The following MPC1L variants were observed in gnomAD, a reference collection of about 807,000 sequenced individuals.
MPC1L encodes the protein mitochondrial pyruvate carrier 1-like protein.
For synonymous variants in MPC1L, 62 were observed against 57.7 expected (o/e 1.08, Z -0.34); for missense variants, 116 against 129.5 (o/e 0.90, Z 0.50).
rs2146555260 is a variant in MPC1L at position 40,623,512 on chromosome X, T to C, written c.-54T>C. 2.0e-6 allele frequency: 2 copies of C among 1,009,808 alleles called. No individual in the cohort carries two copies. Among genetic ancestry groups the C allele is most frequent in the Non-Finnish European group, 2.5e-6 (2 of 786,589 alleles). 83.2% of individuals were successfully genotyped at this position (1,009,808 alleles called of 1,213,427 possible). A position where few individuals can be genotyped will look rare whatever the true frequency, so the allele number is the denominator to read the frequency against. On this transcript the variant is annotated 5_prime_UTR_variant, in exon 1 of 1. Transcript: ENST00000423387. ...GCTGCGGGTACTCGGCTTTGCGCTC[T>C]ATTTCGTTGTGGTCTGGCTGTTGAT...
rs1183985494 is a variant in MPC1L at position 40,623,785 on chromosome X, C to T, written c.220C>T (p.Arg74Cys). 2.6e-6 allele frequency: 3 copies of T among 1,153,891 alleles called. No homozygotes were observed. The highest frequency in any genetic ancestry group is 1.8e-5 in the African/African-American group (1 of 56,044). Residue 74 changes from arginine (R) to cysteine (C), a missense_variant, in exon 1 of 1, where the codon CGC (arginine) becomes TGC (cysteine). By Grantham distance (180) the Arg-to-Cys change is radical. Transcript: ENST00000423387. ...YSAIFMRFAY[R>C]VQPRNLLLMA... ...GGCGATCTTCATGCGCTTCGCCTAC[C>T]GCGTACAGCCTCGAAACCTGCTGCT...
rs769243276 is a variant in MPC1L at position 40,624,123 on chromosome X, A to C, written c.*147A>C. 3.2e-5 allele frequency: 18 copies of C among 554,878 alleles called. No individual in the cohort carries two copies. The highest frequency in any genetic ancestry group is 4.1e-5 in the Non-Finnish European group (16 of 386,188). The allele number at this position is 554,878 out of a possible 1,213,427, so 45.7% of individuals were successfully genotyped here. ...TGCAGTTTGATTAATAAAGAAATACAAAGTAACATTGAACCGAAGTTGAGT... is the reference window on the plus strand; with the variant it reads ...TGCAGTTTGATTAATAAAGAAATACCAAGTAACATTGAACCGAAGTTGAGT... On this transcript the variant is annotated 3_prime_UTR_variant, in exon 1 of 1. Transcript: ENST00000423387.
In MPC1L at chrX:40,623,813, T is replaced by A; in HGVS notation, c.248T>A (p.Met83Lys). The change falls in exon 1 of 1, where the codon ATG (methionine) becomes AAG (lysine). Residue 83 changes from methionine to lysine, a missense_variant. Coordinates refer to ENST00000423387, the MANE Select transcript of MPC1L (RefSeq NM_001195522.3). ...YRVQPRNLLL[M>K]ACHCTNVMAQ... ...GTACAGCCTCGAAACCTGCTGCTGA[T>A]GGCGTGCCACTGTACCAACGTGATG... 7 of 1,156,485 alleles carry A rather than the reference T, an allele frequency of 6.1e-6. No individual in the cohort carries two copies. Among genetic ancestry groups the A allele is most frequent in the Non-Finnish European group, 8.0e-6 (7 of 873,055 alleles).
rs1927446806 is a variant in MPC1L at position 40,623,630 on chromosome X, A to G, written c.65A>G (p.Glu22Gly). The G allele has an allele frequency of 9.0e-7, 1 of 1,110,888 alleles. No individual in the cohort carries two copies. Among genetic ancestry groups the G allele is most frequent in the Non-Finnish European group, 1.2e-6 (1 of 849,990 alleles). 91.5% of individuals were successfully genotyped at this position (1,110,888 alleles called of 1,213,427 possible). Residue 22 changes from glutamate to glycine, a missense_variant, in exon 1 of 1, where the codon GAA becomes GGA. Coordinates refer to ENST00000423387, the MANE Select transcript of MPC1L (RefSeq NM_001195522.3). ...RDNFQSKEFR[E>G]YVSSTHFWGP... ...AACTTCCAGAGCAAGGAGTTCCGGG[A>G]ATACGTGAGCAGCACTCACTTCTGG... is the stretch of plus-strand genomic sequence containing the variant.
rs1602412036 is a variant in MPC1L at position 40,623,508 on chromosome X, G to A, written c.-58G>A. 26 of 996,067 alleles carry A rather than the reference G, an allele frequency of 2.6e-5. 1 individual carries two copies. In the East Asian group the frequency reaches 8.7e-4, roughly 33 times the overall value. The allele number at this position is 996,067 out of a possible 1,213,427, so 82.1% of individuals were successfully genotyped here. A position where few individuals can be genotyped will look rare whatever the true frequency, so the allele number is the denominator to read the frequency against. ...GTCGGCTGCGGGTACTCGGCTTTGC[G>A]CTCTATTTCGTTGTGGTCTGGCTGT... is the stretch of plus-strand genomic sequence containing the variant. On this transcript the variant is annotated 5_prime_UTR_variant, in exon 1 of 1. Transcript: ENST00000423387.
chrX:40,623,661 C>G lies in MPC1L; in HGVS notation c.96C>G (p.Pro32=). 1 of 1,144,099 alleles carries G rather than the reference C, an allele frequency of 8.7e-7. No homozygotes were observed. Among genetic ancestry groups the G allele is most frequent in the Non-Finnish European group, 1.2e-6 (1 of 866,246 alleles). The allele number at this position is 1,144,099 out of a possible 1,213,427, so 94.3% of individuals were successfully genotyped here. ...EYVSSTHFWG[P]AFSWGLPLAA... ...TGAGCAGCACTCACTTCTGGGGTCC[C>G]GCGTTCAGCTGGGGCCTTCCGCTGG... The change falls in exon 1 of 1, where the codon CCC becomes CCG. Residue 32 remains proline, a synonymous_variant. Coordinates refer to ENST00000423387, the MANE Select transcript of MPC1L (RefSeq NM_001195522.3).
chrX:40,623,874 C>CTA lies in MPC1L; in HGVS notation c.310_311dup (p.Tyr105ThrfsTer36). The CTA allele has an allele frequency of 5.2e-6, 6 of 1,156,043 alleles. No homozygotes were observed. The highest frequency in any genetic ancestry group is 6.9e-6 in the Non-Finnish European group (6 of 872,936). ...TGCAGGCCAGTCGCTACCTACTCTA[C>CTA]TACTACGGCGGCGGCGGCGCCGAGG... On this transcript the variant is annotated frameshift_variant, in exon 1 of 1. Transcript: ENST00000423387. LOFTEE classifies it low-confidence loss of function (END_TRUNC).
chrX:40,623,492 G>A lies in MPC1L; in HGVS notation c.-74G>A, dbSNP rs1927443932. The A allele has an allele frequency of 1.1e-6, 1 of 925,300 alleles. No homozygotes were observed. The highest frequency in any genetic ancestry group is 1.4e-6 in the Non-Finnish European group (1 of 716,928). 76.3% of individuals were successfully genotyped at this position (925,300 alleles called of 1,213,427 possible). A position where few individuals can be genotyped will look rare whatever the true frequency, so the allele number is the denominator to read the frequency against. On this transcript the variant is annotated 5_prime_UTR_variant, in exon 1 of 1. Coordinates refer to ENST00000423387, the MANE Select transcript of MPC1L (RefSeq NM_001195522.3). ...CGTGTGCCCAGTCAGGGTCGGCTGC[G>A]GGTACTCGGCTTTGCGCTCTATTTC...
rs1414013553 is a variant in MPC1L, at chrX:40,623,946, G to A, written c.381G>A (p.Pro127=). The A allele has an allele frequency of 1.1e-5, 12 of 1,133,924 alleles. No individual in the cohort carries two copies. Among genetic ancestry groups the A allele is most frequent in the Non-Finnish European group, 1.4e-5 (12 of 864,968 alleles). The allele number at this position is 1,133,924 out of a possible 1,213,427, so 93.4% of individuals were successfully genotyped here. ...PPATAAAATS[P]GSQPPKQAS is the part of the protein sequence containing the mutation. Reference sequence around the variant, plus strand: ...CTACCGCCGCCGCTGCCACCAGCCCGGGTTCCCAGCCCCCGAAACAAGCTT... The same window carrying A: ...CTACCGCCGCCGCTGCCACCAGCCCAGGTTCCCAGCCCCCGAAACAAGCTT... The change falls in exon 1 of 1, where the codon CCG becomes CCA. Residue 127 remains proline, a synonymous_variant. Coordinates refer to ENST00000423387, the MANE Select transcript of MPC1L (RefSeq NM_001195522.3).
chrX:40,624,132 T>C lies in MPC1L; in HGVS notation c.*156T>C, dbSNP rs1211961181. 2 of 525,173 alleles carry C rather than the reference T, an allele frequency of 3.8e-6. No individual in the cohort carries two copies. The highest frequency in any genetic ancestry group is 4.0e-5 in the East Asian group (1 of 24,770). 43.3% of individuals were successfully genotyped at this position (525,173 alleles called of 1,213,427 possible). On this transcript the variant is annotated 3_prime_UTR_variant, in exon 1 of 1. Coordinates refer to ENST00000423387, the MANE Select transcript of MPC1L (RefSeq NM_001195522.3). ...ATTAATAAAGAAATACAAAGTAACA[T>C]TGAACCGAAGTTGAGTGTTGCCTTT...
rs1314238257 is a variant in MPC1L at position 40,623,719 on chromosome X, A to G, written c.154A>G (p.Ile52Val). The G allele has an allele frequency of 3.4e-5, 39 of 1,149,931 alleles. No homozygotes were observed. The highest frequency in any genetic ancestry group is 4.5e-5 in the Non-Finnish European group (39 of 869,527). The allele number at this position is 1,149,931 out of a possible 1,213,427, so 94.8% of individuals were successfully genotyped here. The change falls in exon 1 of 1, where the codon ATC becomes GTC. Residue 52 changes from isoleucine to valine, a missense_variant. Coordinates refer to ENST00000423387, the MANE Select transcript of MPC1L (RefSeq NM_001195522.3). ...AFKDMKASPEIISGRMTTALI... is the reference protein window; with the variant it reads ...AFKDMKASPEVISGRMTTALI... ...TAAAGACATGAAGGCGTCGCCGGAG[A>G]TCATCAGTGGCCGCATGACAACAGC...
Position 40,623,611 on chromosome X carries a change from C to T in MPC1L, c.46C>T (p.Gln16Ter). Residue 16 changes from glutamine to a stop codon, truncating the protein, a stop_gained, in exon 1 of 1, where the codon CAG becomes TAG. Transcript: ENST00000423387. LOFTEE classifies it low-confidence loss of function (END_TRUNC). The stretch of plus-strand genomic sequence containing the variant: ...GTGGCGGAAGATGAGAGATAACTTC[C>T]AGAGCAAGGAGTTCCGGGAATACGT... ...VLWRKMRDNF[Q>*]SKEFREYVSS... The T allele has an allele frequency of 9.1e-7, 1 of 1,100,129 alleles. No individual in the cohort carries two copies. The highest frequency in any genetic ancestry group is 1.2e-6 in the Non-Finnish European group (1 of 844,788). The allele number at this position is 1,100,129 out of a possible 1,213,427, so 90.7% of individuals were successfully genotyped here.
At position 40,623,442 on chromosome X, in the gene MPC1L, C is replaced by T. The variant is rs943850487; in HGVS notation, c.-124C>T. The T allele has an allele frequency of 9.4e-6, 5 of 530,368 alleles. No individual in the cohort carries two copies. The highest frequency in any genetic ancestry group is 2.4e-5 in the African/African-American group (1 of 42,140). 43.7% of individuals were successfully genotyped at this position (530,368 alleles called of 1,213,427 possible). A position where few individuals can be genotyped will look rare whatever the true frequency, so the allele number is the denominator to read the frequency against. On this transcript the variant is annotated 5_prime_UTR_variant, in exon 1 of 1. Coordinates refer to ENST00000423387, the MANE Select transcript of MPC1L (RefSeq NM_001195522.3). ...GTGCTGTCGGCGCACTTTGTGGCAG[C>T]CACGCGAAGGCTCGAGGTCGCGAGC...
Position 40,624,016 on chromosome X carries a change from C to T in MPC1L, c.*40C>T. ...TGATCTCATCTCTGCAGGTCACAAG[C>T]ACTGAACTGCCATTCCTCCTGAAAA... On this transcript the variant is annotated 3_prime_UTR_variant, in exon 1 of 1. Coordinates refer to ENST00000423387, the MANE Select transcript of MPC1L (RefSeq NM_001195522.3). 5.7e-6 allele frequency: 6 copies of T among 1,059,395 alleles called. No homozygotes were observed. The highest frequency in any genetic ancestry group is 6.1e-6 in the Non-Finnish European group (5 of 816,398). The allele number at this position is 1,059,395 out of a possible 1,213,427, so 87.3% of individuals were successfully genotyped here.
rs1340578933 is a variant in MPC1L, at chrX:40,623,907, C to T, written c.342C>T (p.Ala114=). 8.7e-7 allele frequency: 1 copy of T among 1,148,054 alleles called. No homozygotes were observed. Among genetic ancestry groups the T allele is most frequent in the South Asian group, 2.0e-5 (1 of 50,970 alleles). 94.6% of individuals were successfully genotyped at this position (1,148,054 alleles called of 1,213,427 possible). A position where few individuals can be genotyped will look rare whatever the true frequency, so the allele number is the denominator to read the frequency against. Residue 114 remains alanine (A), a synonymous_variant, in exon 1 of 1, where the codon GCC becomes GCT. Transcript: ENST00000423387. ...YYGGGGAEAK[A]RDPPATAAAA... ...GCGGCGGCGGCGCCGAGGCTAAAGC[C>T]CGCGACCCTCCGGCTACCGCCGCCG... is the stretch of plus-strand genomic sequence containing the variant.
Position 40,624,079 on chromosome X carries a change from T to A in MPC1L, c.*103T>A. On this transcript the variant is annotated 3_prime_UTR_variant, in exon 1 of 1. Transcript: ENST00000423387. ...GACCTCGGTTTTGACTCTAAAACAGTGCGAATCTGACTTAAACCTGCAGTT... is the reference window on the plus strand; with the variant it reads ...GACCTCGGTTTTGACTCTAAAACAGAGCGAATCTGACTTAAACCTGCAGTT... 1.3e-6 allele frequency: 1 copy of A among 787,487 alleles called. No homozygotes were observed. Among genetic ancestry groups the A allele is most frequent in the Non-Finnish European group, 1.7e-6 (1 of 587,547 alleles). The allele number at this position is 787,487 out of a possible 1,213,427, so 64.9% of individuals were successfully genotyped here. A position where few individuals can be genotyped will look rare whatever the true frequency, so the allele number is the denominator to read the frequency against.
Position 40,623,721 on chromosome X carries a change from C to A in MPC1L, c.156C>A (p.Ile52=), listed in dbSNP as rs1413696621. 3 of 1,149,452 alleles carry A rather than the reference C, an allele frequency of 2.6e-6. No individual in the cohort carries two copies. In the South Asian group the frequency reaches 5.8e-5, roughly 22 times the overall value. 94.7% of individuals were successfully genotyped at this position (1,149,452 alleles called of 1,213,427 possible). A position where few individuals can be genotyped will look rare whatever the true frequency, so the allele number is the denominator to read the frequency against. ...AFKDMKASPE[I]ISGRMTTALI... is the part of the protein sequence containing the mutation. ...AAGACATGAAGGCGTCGCCGGAGAT[C>A]ATCAGTGGCCGCATGACAACAGCGC... Residue 52 remains isoleucine (I), a synonymous_variant, in exon 1 of 1, where the codon ATC becomes ATA. Coordinates refer to ENST00000423387, the MANE Select transcript of MPC1L (RefSeq NM_001195522.3).
chrX:40,623,709 G>A lies in MPC1L; in HGVS notation c.144G>A (p.Ala48=). ...TGGCTGCCTTTAAAGACATGAAGGC[G>A]TCGCCGGAGATCATCAGTGGCCGCA... The part of the protein sequence containing the change: ...LPLAAFKDMK[A]SPEIISGRMT... The change falls in exon 1 of 1, where the codon GCG becomes GCA. Residue 48 remains alanine (A), a synonymous_variant. Coordinates refer to ENST00000423387, the MANE Select transcript of MPC1L (RefSeq NM_001195522.3). The A allele has an allele frequency of 8.7e-7, 1 of 1,150,637 alleles. No homozygotes were observed. The highest frequency in any genetic ancestry group is 1.1e-6 in the Non-Finnish European group (1 of 869,768). 94.8% of individuals were successfully genotyped at this position (1,150,637 alleles called of 1,213,427 possible).
Position 40,624,057 on chromosome X carries a change from C to G in MPC1L, c.*81C>G. The G allele has an allele frequency of 1.0e-6, 1 of 956,404 alleles. No homozygotes were observed. The highest frequency in any genetic ancestry group is 1.4e-6 in the Non-Finnish European group (1 of 726,139). 78.8% of individuals were successfully genotyped at this position (956,404 alleles called of 1,213,427 possible). A position where few individuals can be genotyped will look rare whatever the true frequency, so the allele number is the denominator to read the frequency against. On this transcript the variant is annotated 3_prime_UTR_variant, in exon 1 of 1. Transcript: ENST00000423387. ...CTCCTGAAAAAAGACCAATGAAGAC[C>G]TCGGTTTTGACTCTAAAACAGTGCG...
Sources: allele counts gnomAD v4.1 joint callset, GRCh38; gene constraint gnomAD v4.1.1; transcripts MANE v1.5; gene names NCBI Gene and HGNC (gene_info 2026-07-23, HGNC 2026-07-21).